RFX2: variants seen among roughly 807,000 people sequenced by gnomAD.
The protein encoded by RFX2 is regulatory factor X2.
A neutral mutation model predicts 87.8 loss-of-function variants in RFX2; 20 were observed. The ratio of observed to expected loss-of-function variants is 0.23; its 90% CI spans 0.16 to 0.33. The LOEUF (loss-of-function observed/expected upper bound fraction) is 0.33, where lower values mean the gene tolerates loss of function less well. RFX2 is among the 10% of genes least tolerant of loss of function. RFX2 has a pLI of 1.00. For synonymous variants in RFX2, 397 were observed against 431.3 expected, an observed-to-expected ratio of 0.92 and a Z score of 0.98; for missense variants, 767 against 1,012.3, an observed-to-expected ratio of 0.76 and a Z score of 3.29.
At chr19:6,088,961 C>T (rs2087895170) in intron 1 of RFX2, among the ~76,000 whole-genome samples, 1 of 152,192 alleles carries the variant, frequency 6.6e-6, no homozygotes, top group African/African-American at 2.4e-5. Flanking sequence ...GAAGCAAGCA[C>T]AATTTATGGA....
rs1167004611 is a variant in RFX2 at position 6,034,227 on chromosome 19, A to ATT, written c.522+5751_522+5752dup. Among the ~76,000 whole-genome samples, 130 of 117,590 alleles carry ATT rather than the reference A, an allele frequency of 1.1e-3. 1 individual carries two copies. The highest frequency in any genetic ancestry group is 3.0e-3 in the African/African-American group (91 of 30,192). The allele number at this position is 117,590 out of a possible 152,430, so 77.1% of individuals were successfully genotyped here. A position where few individuals can be genotyped will look rare whatever the true frequency, so the allele number is the denominator to read the frequency against. On this transcript the variant is annotated intron_variant, in intron 5 of 17. Transcript: ENST00000303657. ...CTGGGACTACAGACACACACTGCTAATTTTTTTTTTTTTTTTTTTTGAGAC... is the reference window on the plus strand; with the variant it reads ...CTGGGACTACAGACACACACTGCTAATTTTTTTTTTTTTTTTTTTTTTGAGAC...
At chr19:6,092,598 G>T (rs1022419281) in intron 1 of RFX2, among the ~76,000 whole-genome samples, 4 of 152,190 alleles carry the variant, frequency 2.6e-5, no homozygotes, top group Non-Finnish European at 5.9e-5. Context: ...CAGCAGCCAG[G>T]CCTCCCCAAG....
intron 1 of RFX2, among the ~76,000 whole-genome samples, chr19:6,089,413 A>T (rs1009268381): frequency 6.6e-6 from 1 of 152,152 alleles, no homozygotes; most frequent in Non-Finnish European, 1.5e-5. Context: ...GCCAGCCCTC[A>T]TGTCCTCTGG....
intron 1 of RFX2, among the ~76,000 whole-genome samples, chr19:6,057,595 G>C (rs955237789): frequency 6.6e-6 from 1 of 152,206 alleles, no homozygotes; most frequent in Admixed American, 6.5e-5. Context: ...CCTTCATTCT[G>C]ATTGGCTGAT....
At chr19:6,018,427 T>A (rs2086760068) in intron 6 of RFX2, among the ~76,000 whole-genome samples, 1 of 152,006 alleles carries the variant, frequency 6.6e-6, no homozygotes, top group African/African-American at 2.4e-5. Context: ...AGGGCCACAG[T>A]GGAGTGAGGA....
intron 1 of RFX2, among the ~76,000 whole-genome samples, chr19:6,086,801 C>T (rs2087861819): frequency 6.6e-6 from 1 of 152,158 alleles, no homozygotes; most frequent in Non-Finnish European, 1.5e-5. Context: ...TCTGTTCTGA[C>T]CACACAACTC....
chr19:6,080,122 G>A (rs993410017), intron 1 of RFX2, among the ~76,000 whole-genome samples: 3 of 151,824 alleles, frequency 2.0e-5, no homozygotes, highest in Non-Finnish European at 4.4e-5. Context: ...ACTCACTGTA[G>A]CCTCTAACTC....
rs369137920 is a variant in RFX2 at position 6,002,892 on chromosome 19, G to A, written c.1501-22C>T. 7 of 1,593,732 alleles carry A rather than the reference G, an allele frequency of 4.4e-6. No homozygotes were observed. In the African/African-American group the frequency reaches 8.0e-5, roughly 18 times the overall value. On this transcript the variant is annotated intron_variant, in intron 13 of 17. Coordinates refer to ENST00000303657, the MANE Select transcript of RFX2 (RefSeq NM_000635.4). The surrounding 1 kb of genome is among the most constrained non-coding windows in gnomAD (Gnocchi z 6.7). ...CCACCTGTAAGCCAGGGCTCGTGGT[G>A]AGCAGGGGTTCGCAGGGAGAGCCTG... is the stretch of plus-strand genomic sequence containing the variant.
At chr19:6,066,695 T>C (rs897723198) in intron 1 of RFX2, among the ~76,000 whole-genome samples, 1 of 152,168 alleles carries the variant, frequency 6.6e-6, no homozygotes, top group Non-Finnish European at 1.5e-5. Context: ...TTGTGGCAAA[T>C]CAAACTCAAA....
chr19:6,048,572 T>C (rs897812391), intron 1 of RFX2, among the ~76,000 whole-genome samples: 1 of 152,182 alleles, frequency 6.6e-6, no homozygotes, highest in Non-Finnish European at 1.5e-5. Flanking sequence ...GGGGTCTCCA[T>C]GGCTCCTGCC....
chr19:6,075,103 C>T (rs1022209628), intron 1 of RFX2, among the ~76,000 whole-genome samples: 3 of 152,270 alleles, frequency 2.0e-5, no homozygotes, highest in Middle Eastern at 3.4e-3. Context: ...GAAGCCCTCA[C>T]CAGAACCTGA....
At chr19:6,060,531 C>A (rs1599892510) in intron 1 of RFX2, among the ~76,000 whole-genome samples, 1 of 152,174 alleles carries the variant, frequency 6.6e-6, no homozygotes, top group African/African-American at 2.4e-5. Flanking sequence ...GCTCTTTATC[C>A]TTTATCTTCT....
rs2086801111 is a variant in RFX2 at position 6,020,830 on chromosome 19, C to T, written c.598-4559G>A. Among the ~76,000 whole-genome samples, 1 of 152,230 alleles carries T rather than the reference C, an allele frequency of 6.6e-6. No individual in the cohort carries two copies. The highest frequency in any genetic ancestry group is 1.5e-5 in the Non-Finnish European group (1 of 68,048). ...CAATATCAAACACAAATAAGCAGAA[C>T]GCTTTCCAAGGAAATGTACATGTGT... is the stretch of plus-strand genomic sequence containing the variant. On this transcript the variant is annotated intron_variant, in intron 6 of 17. Transcript: ENST00000303657. This position sits in a 1 kb window ranked among gnomAD's most constrained non-coding sequence, Gnocchi z 5.3.
intron 1 of RFX2, among the ~76,000 whole-genome samples, chr19:6,054,450 T>TGCAC (rs2087305127): frequency 1.3e-5 from 2 of 152,212 alleles, no homozygotes; most frequent in African/African-American, 2.4e-5. Flanking sequence ...TTTAGACTAA[T>TGCAC]ATCTCTTATG....
chr19:6,047,296 C>A lies in RFX2; in HGVS notation c.90+111G>T. On this transcript the variant is annotated intron_variant, in intron 2 of 17. Coordinates refer to ENST00000303657, the MANE Select transcript of RFX2 (RefSeq NM_000635.4). The surrounding 1 kb of genome is among the most constrained non-coding windows in gnomAD (Gnocchi z 4.2). ...AGCAGCAGCACTGGGACTGAGAAGTCCATTCAGAAAAATACAGATTCCTCT... is the reference window on the plus strand; with the variant it reads ...AGCAGCAGCACTGGGACTGAGAAGTACATTCAGAAAAATACAGATTCCTCT... 1.2e-6 allele frequency: 1 copy of A among 824,308 alleles called. No homozygotes were observed. Among genetic ancestry groups the A allele is most frequent in the South Asian group, 1.9e-5 (1 of 53,176 alleles). The allele number at this position is 824,308 out of a possible 1,614,324, so 51.1% of individuals were successfully genotyped here. A position where few individuals can be genotyped will look rare whatever the true frequency, so the allele number is the denominator to read the frequency against.
At chr19:6,008,359 C>CTTTTT in intron 9 of RFX2, 135 bp from the exon 10 acceptor site, 1 of 475,220 alleles carries the variant, frequency 2.1e-6, no homozygotes, top group Non-Finnish European at 3.8e-6. Flanking sequence ...TTTGTTTTTT[C>CTTTTT]TTTCTTTTTC....
Position 6,045,643 on chromosome 19 carries a change from T to G in RFX2, c.91-1361A>C, listed in dbSNP as rs1279013232. Among the ~76,000 whole-genome samples, 3 of 152,070 alleles carry G rather than the reference T, an allele frequency of 2.0e-5. No individual in the cohort carries two copies. The highest frequency in any genetic ancestry group is 7.3e-5 in the African/African-American group (3 of 41,368). ...AACCGCTTCACTGTCTGCCTTTTTG[T>G]TTTTGCGGAATTGTGTTTTTTTGTT... On this transcript the variant is annotated intron_variant, in intron 2 of 17. Coordinates refer to ENST00000303657, the MANE Select transcript of RFX2 (RefSeq NM_000635.4). The surrounding 1 kb of genome is among the most constrained non-coding windows in gnomAD (Gnocchi z 5.2).
rs915858061 is a variant in RFX2 at position 6,006,887 on chromosome 19, C to T, written c.1402+125G>A. On this transcript the variant is annotated intron_variant, in intron 12 of 17. Transcript: ENST00000303657. ...GATCACTGGCATGAGCCACCGCGCC[C>T]GGCCACTTTTGGGTTTTCTGTGAAA... is the stretch of plus-strand genomic sequence containing the variant. The T allele has an allele frequency of 7.1e-5, 80 of 1,119,652 alleles. No homozygotes were observed. The Admixed American group carries it at 1.1e-3, about 16-fold the overall frequency. 69.4% of individuals were successfully genotyped at this position (1,119,652 alleles called of 1,614,324 possible). A position where few individuals can be genotyped will look rare whatever the true frequency, so the allele number is the denominator to read the frequency against.
intron 1 of RFX2, among the ~76,000 whole-genome samples, chr19:6,087,091 A>G (rs2087865451): frequency 6.6e-6 from 1 of 152,140 alleles, no homozygotes; most frequent in African/African-American, 2.4e-5. Context: ...TGTGGTCTTT[A>G]GAAGAAAGTG....
Sources: allele counts gnomAD v4.1 joint callset (sites outside exome capture counted in the v4.1 genomes callset), GRCh38; gene constraint gnomAD v4.1.1; non-coding constraint Gnocchi (gnomAD v3.1); transcripts MANE v1.5; gene names NCBI Gene and HGNC (gene_info 2026-07-23, HGNC 2026-07-21).